DOCK1: variants seen among roughly 807,000 people sequenced by gnomAD.
DOCK1 encodes the protein dedicator of cytokinesis 1.
A neutral mutation model predicts 262.7 loss-of-function variants in DOCK1; 138 were observed. The ratio of observed to expected loss-of-function variants is 0.53; its 90% CI spans 0.46 to 0.61. The LOEUF (loss-of-function observed/expected upper bound fraction) is 0.61. Among genes scored for constraint, DOCK1 ranks in the 20% least tolerant of loss-of-function variants. The probability of loss-of-function intolerance (pLI) is 0.00; values close to 1 mark genes in which losing one functional copy is unlikely to be tolerated. For synonymous variants in DOCK1, 866 were observed against 867.4 expected, an observed-to-expected ratio of 1.00 and a Z score of 0.03; for missense variants, 1,908 against 2,370.7, an observed-to-expected ratio of 0.80 and a Z score of 4.05.
chr10:126,940,455 G>T (rs996971036), intron 1 of DOCK1, among the ~76,000 whole-genome samples: 1 of 152,194 alleles, frequency 6.6e-6, no homozygotes, highest in African/African-American at 2.4e-5. Flanking sequence ...CCAGGCTGGA[G>T]TGTAGTGGTA....
chr10:127,381,137 T>C, intron 36 of DOCK1, 141 bp from the exon 37 acceptor site: 1 of 602,798 alleles, frequency 1.7e-6, no homozygotes, highest in Non-Finnish European at 2.5e-6. Flanking sequence ...CCAAAAGTTT[T>C]TAAGGCATTT....
intron 21 of DOCK1, among the ~76,000 whole-genome samples, chr10:127,049,591 G>A (rs537027065): frequency 6.0e-4 from 91 of 152,116 alleles, no homozygotes; most frequent in Non-Finnish European, 1.1e-3. Flanking sequence ...AATTTGCTAA[G>A]AGAAATATAA....
chr10:127,098,228 CA>C, intron 23 of DOCK1, among the ~76,000 whole-genome samples: 1 of 152,266 alleles, frequency 6.6e-6, no homozygotes, highest in East Asian at 1.9e-4. Context: ...AAAAGGCAAA[CA>C]AAAACAGGAA....
intron 27 of DOCK1, among the ~76,000 whole-genome samples, chr10:127,140,619 C>CCGTTGAGTTTGACACACCAAGTCTCTG (rs1370380607): frequency 2.1e-5 from 1 of 48,244 alleles, no homozygotes; most frequent in Non-Finnish European, 7.2e-5. Context: ...CCAAGTCTCT[C>CCGTTGAGTTTGACACACCAAGTCTCTG]GGTTGAGTTT....
At chr10:127,380,778 G>A (rs1275700209) in intron 36 of DOCK1, among the ~76,000 whole-genome samples, 2 of 152,176 alleles carry the variant, frequency 1.3e-5, no homozygotes. Flanking sequence ...TTATTACACT[G>A]AGGGTGATTG....
intron 27 of DOCK1, among the ~76,000 whole-genome samples, chr10:127,219,325 G>T (rs1400910735): frequency 6.6e-6 from 1 of 152,116 alleles, no homozygotes; most frequent in African/African-American, 2.4e-5. Context: ...CTTTGGTTGA[G>T]CATATGGCTA....
intron 27 of DOCK1, among the ~76,000 whole-genome samples, chr10:127,170,189 CT>C (rs1211079635): frequency 1.3e-5 from 2 of 152,114 alleles, no homozygotes; most frequent in Non-Finnish European, 2.9e-5. Context: ...GTACTAGACT[CT>C]TTGGGTTGGT....
intron 23 of DOCK1, among the ~76,000 whole-genome samples, chr10:127,070,780 CTG>C (rs999913069): frequency 2.6e-5 from 4 of 151,506 alleles, no homozygotes; most frequent in African/African-American, 9.7e-5. Flanking sequence ...GATTCCGACT[CTG>C]TAGGGAGGGG....
intron 12 of DOCK1, among the ~76,000 whole-genome samples, chr10:127,014,357 T>C (rs984739022): frequency 6.6e-6 from 1 of 152,232 alleles, no homozygotes; most frequent in Non-Finnish European, 1.5e-5. Flanking sequence ...TTTTTTCTCC[T>C]GTGAGAAAAG....
chr10:127,106,088 C>A, intron 23 of DOCK1, 143 bp from the exon 24 acceptor site: 2 of 809,204 alleles, frequency 2.5e-6, no homozygotes, highest in South Asian at 1.9e-5. Context: ...GCTCTATTTT[C>A]ATCGTGTTAG....
At chr10:127,253,815 C>T (rs1180174674) in intron 28 of DOCK1, among the ~76,000 whole-genome samples, 4 of 134,940 alleles carry the variant, frequency 3.0e-5, no homozygotes, top group East Asian at 2.3e-4. Flanking sequence ...TTTGAGGCTG[C>T]GGTGAGCTAA....
chr10:127,089,477 C>T (rs536613880), intron 23 of DOCK1, among the ~76,000 whole-genome samples: 11 of 152,212 alleles, frequency 7.2e-5, no homozygotes, highest in South Asian at 2.1e-4. Flanking sequence ...ACTCCAGCCT[C>T]AATCTCCACT....
In DOCK1 at chr10:127,100,361, C is replaced by G. The variant is rs142549495; in HGVS notation, c.2446-5870C>G. 1.3e-5 allele frequency among the ~76,000 whole-genome samples: 2 copies of G among 152,140 alleles called. No homozygotes were observed. Among genetic ancestry groups the G allele is most frequent in the Admixed American group, 1.3e-4 (2 of 15,278 alleles). On this transcript the variant is annotated intron_variant, in intron 23 of 51. Transcript: ENST00000623213. This position sits in a 1 kb window ranked among gnomAD's most constrained non-coding sequence, Gnocchi z 5.5. ...GGGGCTGTGAGGAAGAGAGAACACC[C>G]GGTGTGATGCCCAGGCCTGTGGCAT...
chr10:127,259,684 T>C (rs75228001), intron 29 of DOCK1, among the ~76,000 whole-genome samples: 13,969 of 152,172 alleles, frequency 0.092, 713 homozygotes, highest in East Asian at 0.15. Context: ...AGCACTGCTC[T>C]GACAAAGGTC....
intron 1 of DOCK1, among the ~76,000 whole-genome samples, chr10:126,968,528 G>T (rs777695898): frequency 6.6e-6 from 1 of 152,224 alleles, no homozygotes; most frequent in Non-Finnish European, 1.5e-5. Flanking sequence ...AGGGATTGGG[G>T]AGTAGGGTAT....
chr10:126,959,826 T>C (rs976019201), intron 1 of DOCK1, among the ~76,000 whole-genome samples: 2 of 151,420 alleles, frequency 1.3e-5, no homozygotes, highest in African/African-American at 4.8e-5. Context: ...GTTTCTTTCT[T>C]TTTTTTTTGA....
intron 27 of DOCK1, among the ~76,000 whole-genome samples, chr10:127,202,120 C>T (rs1021608395): frequency 3.9e-5 from 6 of 152,000 alleles, no homozygotes; most frequent in Non-Finnish European, 7.4e-5. Flanking sequence ...CTCAGGAGTT[C>T]GAGACCAGCC....
intron 40 of DOCK1, among the ~76,000 whole-genome samples, chr10:127,404,772 G>A (rs758082678): frequency 2.0e-5 from 3 of 152,070 alleles, no homozygotes; most frequent in Non-Finnish European, 2.9e-5. Flanking sequence ...GTTGTTGTGC[G>A]GCCAGCACCA....
At chr10:126,971,697 C>T (rs541210173) in intron 2 of DOCK1, among the ~76,000 whole-genome samples, 5 of 152,252 alleles carry the variant, frequency 3.3e-5, no homozygotes, top group Non-Finnish European at 5.9e-5. Flanking sequence ...GAATTACAGG[C>T]GTGAGCCACT....
Sources: allele counts gnomAD v4.1 joint callset (sites outside exome capture counted in the v4.1 genomes callset), GRCh38; gene constraint gnomAD v4.1.1; non-coding constraint Gnocchi (gnomAD v3.1); transcripts MANE v1.5; gene names NCBI Gene and HGNC (gene_info 2026-07-23, HGNC 2026-07-21).